The following STOM variants were observed in gnomAD, a reference collection of about 807,000 sequenced individuals.
The protein encoded by STOM is erythrocyte band 7 integral membrane protein.
Under a neutral mutation model 30.6 loss-of-function variants are expected in STOM, and 25 were observed. The observed-to-expected ratio is 0.82, with a 90% CI of 0.60 to 1.14. STOM has a LOEUF of 1.14. Among genes scored for constraint, STOM ranks in the 50% most tolerant of loss-of-function variants. STOM has a pLI of 0.00. For missense variants in STOM, 292 were observed against 365.2 expected (o/e 0.80, Z 1.63); for synonymous variants, 118 against 130.8 (o/e 0.90, Z 0.67).
chr9:121,347,938 G>T, intron 6 of STOM, 77 bp downstream of exon 6: 1 of 1,485,808 alleles, frequency 6.7e-7, no homozygotes, highest in Non-Finnish European at 9.0e-7. Context: ...TTTACAGCAA[G>T]CATGTTTTAC....
Position 121,349,130 on chromosome 9 carries a change from T to C in STOM, c.515A>G (p.His172Arg), listed in dbSNP as rs928051850. The C allele has an allele frequency of 3.1e-6, 5 of 1,614,050 alleles. No homozygotes were observed. The highest frequency in any genetic ancestry group is 4.2e-6 in the Non-Finnish European group (5 of 1,180,030). Residue 172 changes from histidine (H) to arginine (R), a missense_variant, in exon 5 of 7, where the codon CAC (histidine) becomes CGC (arginine). By Grantham distance (29) the His-to-Arg change is conservative. Coordinates refer to ENST00000286713, the MANE Select transcript of STOM (RefSeq NM_004099.6). ...TGACGTACTCCCCACCTGCATGTTG[T>C]GTGCAATTTCTTCTCTGTCAGAGAG... ...QILSDREEIAHNMQSTLDDAT... is the reference protein window; with the variant it reads ...QILSDREEIARNMQSTLDDAT...
At chr9:121,369,882 G>A in intron 1 of STOM, 2 of 479,112 alleles carry the variant, frequency 4.2e-6, no homozygotes, top group Non-Finnish European at 7.6e-6. Context: ...TCTGGCGGCC[G>A]CGAGATAACC....
intron 6 of STOM, among the ~76,000 whole-genome samples, chr9:121,342,573 TAAG>T (rs776127198): frequency 6.6e-5 from 10 of 152,072 alleles, no homozygotes; most frequent in East Asian, 1.9e-4. Context: ...AACTTAGGTT[TAAG>T]AAGAAGAAGA....
At chr9:121,351,494 A>G (rs2064338939) in intron 4 of STOM, among the ~76,000 whole-genome samples, 1 of 152,242 alleles carries the variant, frequency 6.6e-6, no homozygotes, top group Non-Finnish European at 1.5e-5. Flanking sequence ...CATGCTGAGT[A>G]TCTGGCCTTT....
Position 121,341,315 on chromosome 9 carries a change from A to AT in STOM, c.753dup (p.Tyr252IlefsTer11). The AT allele has an allele frequency of 6.2e-7, 1 of 1,614,192 alleles. No individual in the cohort carries two copies. The highest frequency in any genetic ancestry group is 8.5e-7 in the Non-Finnish European group (1 of 1,180,034). On this transcript the variant is annotated frameshift_variant, in exon 7 of 7. Transcript: ENST00000286713. LOFTEE classifies it high-confidence loss of function. The stretch of plus-strand genomic sequence containing the variant: ...GCAATGGTGGTCAGTGTCTGCAGGT[A>AT]TCGGAGCTGAAGGGCTGCAGGAGAT...
rs552184299 is a variant in STOM, at chr9:121,346,269, C to T, written c.660+1746G>A. Among the ~76,000 whole-genome samples the T allele has an allele frequency of 3.9e-5, 6 of 152,334 alleles. No homozygotes were observed. The East Asian group carries it at 1.2e-3, about 29-fold the overall frequency. ...CCTCCCAAAGTGCTGGGATTACAGA[C>T]GTGAGCCACTGTGCTTGGCCTCAAG... On this transcript the variant is annotated intron_variant, in intron 6 of 6. Transcript: ENST00000286713.
chr9:121,340,950 C>A lies in STOM; in HGVS notation c.*252G>T. Reference sequence around the variant, plus strand: ...CAGTGGAAGTCAAAACAAGAGGGATCTAACCTACTACATAATAATCTAAAA... The same window carrying A: ...CAGTGGAAGTCAAAACAAGAGGGATATAACCTACTACATAATAATCTAAAA... On this transcript the variant is annotated 3_prime_UTR_variant, in exon 7 of 7. Coordinates refer to ENST00000286713, the MANE Select transcript of STOM (RefSeq NM_004099.6). The A allele has an allele frequency of 2.3e-6, 3 of 1,304,276 alleles. No homozygotes were observed. Among genetic ancestry groups the A allele is most frequent in the Non-Finnish European group, 2.9e-6 (3 of 1,018,980 alleles). 80.8% of individuals were successfully genotyped at this position (1,304,276 alleles called of 1,614,324 possible).
intron 1 of STOM, 116 bp from the exon 2 acceptor site, chr9:121,356,272 C>T: frequency 1.3e-6 from 1 of 766,412 alleles, no homozygotes; most frequent in Non-Finnish European, 2.1e-6. Context: ...AGCTGTTTTA[C>T]ATGAATTTCC....
At chr9:121,346,329 G>C (rs1391162010) in intron 6 of STOM, among the ~76,000 whole-genome samples, 1 of 152,152 alleles carries the variant, frequency 6.6e-6, no homozygotes, top group Non-Finnish European at 1.5e-5. Context: ...AGCAGTTGAG[G>C]GTTGTTACCC....
Position 121,339,882 on chromosome 9 carries a change from A to G in STOM, c.*1320T>C, listed in dbSNP as rs1051405918. 6 of 1,134,558 alleles carry G rather than the reference A, an allele frequency of 5.3e-6. No individual in the cohort carries two copies. In the Admixed American group the frequency reaches 1.4e-4, roughly 27 times the overall value. 70.3% of individuals were successfully genotyped at this position (1,134,558 alleles called of 1,614,324 possible). A position where few individuals can be genotyped will look rare whatever the true frequency, so the allele number is the denominator to read the frequency against. ...AGTTTGACAGTATCTGCCCAAGATC[A>G]TTAGACACTATATAGTCAATATACT... On this transcript the variant is annotated 3_prime_UTR_variant, in exon 7 of 7. Coordinates refer to ENST00000286713, the MANE Select transcript of STOM (RefSeq NM_004099.6).
In STOM at chr9:121,340,565, C is replaced by A; in HGVS notation, c.*637G>T. The A allele has an allele frequency of 1.6e-6, 1 of 608,266 alleles. No homozygotes were observed. Among genetic ancestry groups the A allele is most frequent in the Non-Finnish European group, 2.1e-6 (1 of 485,764 alleles). The allele number at this position is 608,266 out of a possible 1,614,324, so 37.7% of individuals were successfully genotyped here. The stretch of plus-strand genomic sequence containing the variant: ...TAGCCTGGCCAACATGGTGAAACCC[C>A]GTCTCTACTAAAAAACAATAATAAT... On this transcript the variant is annotated 3_prime_UTR_variant, in exon 7 of 7. Coordinates refer to ENST00000286713, the MANE Select transcript of STOM (RefSeq NM_004099.6).
At chr9:121,351,630 G>T (rs1472892436) in intron 4 of STOM, among the ~76,000 whole-genome samples, 3 of 152,200 alleles carry the variant, frequency 2.0e-5, no homozygotes, top group Admixed American at 6.5e-5. Flanking sequence ...CTTTTTCGGG[G>T]GCTATGAGGG....
intron 1 of STOM, chr9:121,366,144 G>A (rs1564633585): frequency 2.0e-6 from 2 of 985,172 alleles, no homozygotes; most frequent in Non-Finnish European, 2.4e-6. Flanking sequence ...TGGACCACAA[G>A]TTCAGTATAG....
chr9:121,349,067 CTT>C (rs2064315128), intron 5 of STOM, 51 bp downstream of exon 5: 1 of 1,586,754 alleles, frequency 6.3e-7, no homozygotes, highest in South Asian at 1.1e-5. Context: ...ACCATTGACT[CTT>C]TGCTTCATTT....
chr9:121,349,796 A>T (rs906069227), intron 4 of STOM, among the ~76,000 whole-genome samples: 2 of 152,234 alleles, frequency 1.3e-5, no homozygotes, highest in South Asian at 2.1e-4. Context: ...CAAAAAGTGC[A>T]TGGGGAATGT....
chr9:121,361,565 T>C (rs1366183952), intron 1 of STOM, among the ~76,000 whole-genome samples: 1 of 151,986 alleles, frequency 6.6e-6, no homozygotes. Context: ...ATTTTTTGTA[T>C]TTTTAGTAGA....
intron 1 of STOM, among the ~76,000 whole-genome samples, chr9:121,369,731 A>G (rs1391678763): frequency 6.6e-6 from 1 of 151,364 alleles, no homozygotes; most frequent in Non-Finnish European, 1.5e-5. Context: ...CCTTCGAGAG[A>G]GTGAGTCGGG....
chr9:121,360,776 G>GT (rs199887594), intron 1 of STOM, among the ~76,000 whole-genome samples: 4,430 of 151,896 alleles, frequency 0.029, 228 homozygotes, highest in African/African-American at 0.1. Flanking sequence ...GTTCAGCCCA[G>GT]TTTTTTTTGT....
chr9:121,358,150 A>AC (rs202144366), intron 1 of STOM, among the ~76,000 whole-genome samples: 12,725 of 150,926 alleles, frequency 0.084, 702 homozygotes, highest in Non-Finnish European at 0.12. Flanking sequence ...TAAAAAAAAA[A>AC]AAAATAATAA....
Sources: allele counts gnomAD v4.1 joint callset (sites outside exome capture counted in the v4.1 genomes callset), GRCh38; gene constraint gnomAD v4.1.1; transcripts MANE v1.5; gene names NCBI Gene and HGNC (gene_info 2026-07-23, HGNC 2026-07-21).